Variants in ZNF438 observed in about 807,000 individuals in gnomAD.
ZNF438 encodes the protein zinc finger protein 438.
Under a neutral mutation model 38.0 loss-of-function variants are expected in ZNF438, and 25 were observed. The ratio of observed to expected loss-of-function variants is 0.66; its 90% CI spans 0.48 to 0.92. ZNF438 has a LOEUF of 0.92. Among genes scored for constraint, ZNF438 ranks in the 40% least tolerant of loss-of-function variants. ZNF438 has a pLI of 0.00. For synonymous variants in ZNF438, 372 were observed against 364.1 expected (o/e 1.02, Z -0.25); for missense variants, 1,007 against 999.6 (o/e 1.01, Z -0.10).
chr10:30,849,755 G>A (rs947566838), exon 5 of ZNF438: 1 of 1,614,208 alleles, frequency 6.2e-7, no homozygotes, highest in African/African-American at 1.3e-5. Context: ...TGGGGTAGCA[G>A]GAGGGTTCAG....
At chr10:30,924,990 T>C (rs1220769797) in intron 2 of ZNF438, among the ~76,000 whole-genome samples, 2 of 152,222 alleles carry the variant, frequency 1.3e-5, no homozygotes, top group African/African-American at 2.4e-5. Flanking sequence ...TCTGTTTTGT[T>C]GTTGCTGCTC....
At chr10:30,963,963 T>G (rs1326785764) in intron 1 of ZNF438, among the ~76,000 whole-genome samples, 2 of 152,194 alleles carry the variant, frequency 1.3e-5, no homozygotes, top group Non-Finnish European at 2.9e-5. Flanking sequence ...GTGTATCTTA[T>G]TCCTGTCTTC....
At chr10:30,903,631 A>C (rs750844097) in intron 3 of ZNF438, among the ~76,000 whole-genome samples, 64 of 152,184 alleles carry the variant, frequency 4.2e-4, no homozygotes, top group Non-Finnish European at 8.4e-4. Flanking sequence ...CATTATAAGA[A>C]GACACGGGAC....
intron 1 of ZNF438, among the ~76,000 whole-genome samples, chr10:30,954,182 G>C (rs2048600929): frequency 6.6e-6 from 1 of 152,084 alleles, no homozygotes; most frequent in Non-Finnish European, 1.5e-5. Flanking sequence ...GGTAAATTTG[G>C]CTAAGAAGAT....
intron 4 of ZNF438, among the ~76,000 whole-genome samples, chr10:30,865,725 G>A (rs1379972878): frequency 1.3e-5 from 2 of 152,196 alleles, no homozygotes; most frequent in Non-Finnish European, 2.9e-5. Context: ...GTTCCTCAGA[G>A]AAAACAAGAC....
chr10:30,953,580 T>C (rs1053451664), intron 1 of ZNF438, among the ~76,000 whole-genome samples: 3 of 151,552 alleles, frequency 2.0e-5, no homozygotes, highest in Non-Finnish European at 4.4e-5. Context: ...GAATCAATTA[T>C]ACATATGTAA....
chr10:30,998,937 C>A (rs2054357587), intron 1 of ZNF438, among the ~76,000 whole-genome samples: 1 of 152,094 alleles, frequency 6.6e-6, no homozygotes, highest in African/African-American at 2.4e-5. Flanking sequence ...GAAAATAAAA[C>A]AACATTTCAA....
At chr10:30,912,631 G>A (rs2043198114) in intron 2 of ZNF438, among the ~76,000 whole-genome samples, 1 of 152,088 alleles carries the variant, frequency 6.6e-6, no homozygotes, top group South Asian at 2.1e-4. Flanking sequence ...GAATGATAAG[G>A]TGCATGGGCT....
chr10:30,853,461 T>C (rs2034064477), intron 4 of ZNF438, among the ~76,000 whole-genome samples: 1 of 152,158 alleles, frequency 6.6e-6, no homozygotes, highest in South Asian at 2.1e-4. Flanking sequence ...GGTGGCCTCT[T>C]TGCTGTTCTG....
chr10:30,953,309 G>A (rs1169017910), intron 1 of ZNF438, among the ~76,000 whole-genome samples: 2 of 151,992 alleles, frequency 1.3e-5, no homozygotes, highest in African/African-American at 4.8e-5. Flanking sequence ...GCTAGATGAC[G>A]AGTTAGTGGG....
intron 3 of ZNF438, among the ~76,000 whole-genome samples, chr10:30,893,148 T>A (rs902086494): frequency 6.6e-6 from 1 of 152,236 alleles, no homozygotes; most frequent in African/African-American, 2.4e-5. Flanking sequence ...CTCAAAACCA[T>A]CACTTGCAAA....
At chr10:31,016,862 C>T (rs1282483131) in intron 1 of ZNF438, among the ~76,000 whole-genome samples, 2 of 152,138 alleles carry the variant, frequency 1.3e-5, no homozygotes, top group African/African-American at 4.8e-5. Context: ...GGTGGGAGTG[C>T]ATCCTTCTTC....
chr10:30,997,560 G>T (rs1388071844), intron 1 of ZNF438, among the ~76,000 whole-genome samples: 1 of 148,868 alleles, frequency 6.7e-6, no homozygotes, highest in African/African-American at 2.5e-5. Context: ...CCTTCTTTCT[G>T]AATAACAAAA....
chr10:30,900,936 G>C (rs1418072664), intron 3 of ZNF438, among the ~76,000 whole-genome samples: 1 of 152,142 alleles, frequency 6.6e-6, no homozygotes, highest in Non-Finnish European at 1.5e-5. Context: ...GCTGGTTCAG[G>C]AGAACAAATG....
At chr10:30,965,598 C>T (rs1256432305) in intron 1 of ZNF438, among the ~76,000 whole-genome samples, 1 of 152,108 alleles carries the variant, frequency 6.6e-6, no homozygotes, top group African/African-American at 2.4e-5. Flanking sequence ...AAAATCATGT[C>T]CTTGGCAGCA....
intron 4 of ZNF438, among the ~76,000 whole-genome samples, chr10:30,872,377 GA>G (rs1432219546): frequency 1.5e-5 from 2 of 129,790 alleles, no homozygotes; most frequent in African/African-American, 5.3e-5. Flanking sequence ...AGTGAGCCGA[GA>G]TTGCACCACT....
At chr10:30,943,473 AAGAAAAC>A in intron 1 of ZNF438, among the ~76,000 whole-genome samples, 1 of 152,304 alleles carries the variant, frequency 6.6e-6, no homozygotes, top group East Asian at 1.9e-4. Flanking sequence ...GCCAGAGAAG[AAGAAAAC>A]AGAAAAGAGG....
At chr10:30,864,807 T>C (rs1239354883) in intron 4 of ZNF438, among the ~76,000 whole-genome samples, 1 of 152,214 alleles carries the variant, frequency 6.6e-6, no homozygotes, top group African/African-American at 2.4e-5. Flanking sequence ...TACTCATCTA[T>C]TTCTATTCTT....
intron 1 of ZNF438, among the ~76,000 whole-genome samples, chr10:31,006,073 A>G (rs2055099627): frequency 6.6e-6 from 1 of 152,174 alleles, no homozygotes; most frequent in Non-Finnish European, 1.5e-5. Context: ...ACATGGTATG[A>G]TATTGTGAAA....
Sources: gnomAD v4.1 joint callset for allele counts (sites outside exome capture counted in the v4.1 genomes callset) on GRCh38, gnomAD v4.1.1 for gene constraint, MANE v1.5 for transcripts, NCBI Gene and HGNC (gene_info 2026-07-23, HGNC 2026-07-21) for gene names.